SUPT7L: variants seen among roughly 807,000 people sequenced by gnomAD.
The protein encoded by SUPT7L is STAGA complex 65 subunit gamma.
SUPT7L carries 15 observed loss-of-function variants against 35.7 expected under a neutral mutation model. That is an observed-to-expected ratio of 0.42 (90% CI 0.28 to 0.65). The LOEUF (loss-of-function observed/expected upper bound fraction) is 0.65, where lower values mean the gene tolerates loss of function less well. SUPT7L is among the 30% of genes least tolerant of loss of function. The pLI is 0.23. For synonymous variants in SUPT7L, 168 were observed against 186.2 expected (o/e 0.90, Z 0.79); for missense variants, 434 against 522.2 (o/e 0.83, Z 1.65).
chr2:27,659,203 T>G (rs1674940852), intron 3 of SUPT7L, among the ~76,000 whole-genome samples: 1 of 152,236 alleles, frequency 6.6e-6, no homozygotes, highest in South Asian at 2.1e-4. Flanking sequence ...ATTATTCCAG[T>G]GACTTCAGAA....
chr2:27,655,646 C>A, intron 4 of SUPT7L, 44 bp from the exon 5 acceptor site: 1 of 1,508,396 alleles, frequency 6.6e-7, no homozygotes, highest in Non-Finnish European at 8.9e-7. Flanking sequence ...ATGTTAAAAG[C>A]AAGTTGGATA....
intron 3 of SUPT7L, among the ~76,000 whole-genome samples, chr2:27,659,661 A>G (rs1264135657): frequency 6.6e-6 from 1 of 152,218 alleles, no homozygotes; most frequent in African/African-American, 2.4e-5. Context: ...TGGTAATGGT[A>G]TTATGATTAT....
chr2:27,660,073 A>G (rs931285420), intron 3 of SUPT7L, among the ~76,000 whole-genome samples: 1 of 152,142 alleles, frequency 6.6e-6, no homozygotes, highest in Admixed American at 6.5e-5. Context: ...TGCACATACA[A>G]ATCTCCTGGA....
chr2:27,650,582 A>G (rs1572969596), downstream of SUPT7L: 1 of 156,090 alleles, frequency 6.4e-6, no homozygotes, highest in African/African-American at 2.4e-5. Flanking sequence ...GGCTAGATGT[A>G]TAGCCTCTAC....
intron 3 of SUPT7L, among the ~76,000 whole-genome samples, chr2:27,660,224 A>G (rs1227541383): frequency 6.6e-6 from 1 of 151,532 alleles, no homozygotes; most frequent in Admixed American, 6.6e-5. Flanking sequence ...ACATTTTTAT[A>G]TTATTATTTC....
chr2:27,661,475 T>G, intron 2 of SUPT7L, 87 bp from the exon 3 acceptor site: 1 of 1,568,046 alleles, frequency 6.4e-7, no homozygotes, highest in South Asian at 1.2e-5. Flanking sequence ...CCTGGCAACT[T>G]TAGATTATAG....
chr2:27,648,272 TG>T (rs1046472419), downstream of SUPT7L, among the ~76,000 whole-genome samples: 1 of 152,120 alleles, frequency 6.6e-6, no homozygotes, highest in Non-Finnish European at 1.5e-5. Flanking sequence ...GTAATCCCAC[TG>T]CTTTGGGAGG....
chr2:27,660,615 A>G (rs1463532218), intron 3 of SUPT7L, among the ~76,000 whole-genome samples: 1 of 152,192 alleles, frequency 6.6e-6, no homozygotes, highest in Non-Finnish European at 1.5e-5. Context: ...AAATACCAGA[A>G]TAAGTCCATG....
chr2:27,660,830 A>C (rs913082933), intron 3 of SUPT7L, among the ~76,000 whole-genome samples, 154 bp downstream of exon 3: 3 of 152,238 alleles, frequency 2.0e-5, no homozygotes, highest in Non-Finnish European at 4.4e-5. Flanking sequence ...TTCAAAACTT[A>C]GATATCCCAC....
At position 27,661,081 on chromosome 2, in the gene SUPT7L, A is replaced by C. The variant is rs1461180196; in HGVS notation, c.322T>G (p.Ser108Ala). Residue 108 changes from serine to alanine, a missense_variant, in exon 3 of 6, where the codon TCA becomes GCA. Around this residue, in one of 3 missense-constraint regions of SUPT7L, gnomAD observed 198 missense variants for 190.8 expected, o/e 1.04. Coordinates refer to ENST00000337768, the MANE Select transcript of SUPT7L (RefSeq NM_014860.3). ...AGGAGGTCATCAGGGAGAGGAGGTG[A>C]CCCAGGGCACGAGGGAAGAGGTTCA... Reference protein sequence around the residue: ...ESEPLPSCPGSPPLPDDLLPL... With the variant: ...ESEPLPSCPGAPPLPDDLLPL... 1 of 1,613,966 alleles carries C rather than the reference A, an allele frequency of 6.2e-7. No homozygotes were observed. The highest frequency in any genetic ancestry group is 8.5e-7 in the Non-Finnish European group (1 of 1,180,002).
At chr2:27,656,035 A>C (rs1173113660) in intron 4 of SUPT7L, among the ~76,000 whole-genome samples, 1 of 152,034 alleles carries the variant, frequency 6.6e-6, no homozygotes, top group Admixed American at 6.5e-5. Context: ...AAAAAAAAAA[A>C]AAAGCTGGGC....
At chr2:27,644,723 GTTTTTTTTTT>G in the SUPT7L span, among the ~76,000 whole-genome samples, 1 of 101,744 alleles carries the variant, frequency 9.8e-6, no homozygotes, top group African/African-American at 3.9e-5. Context: ...TTTTGGTAGT[GTTTTTTTTTT>G]TTTTTTTTTT....
intron 4 of SUPT7L, among the ~76,000 whole-genome samples, chr2:27,656,235 CT>C (rs944969974): frequency 1.3e-5 from 2 of 152,126 alleles, no homozygotes; most frequent in East Asian, 3.9e-4. Context: ...TTAGCAAAGA[CT>C]TTTTTCTTGG....
At position 27,652,644 on chromosome 2, in the gene SUPT7L, G is replaced by C. The variant is rs1479206529; in HGVS notation, c.*841C>G. ...CTTTACAGTAGAAGCAGCAAAGTGT[G>C]CTTAATGGACTGCTGTCCTCTGATG... On this transcript the variant is annotated 3_prime_UTR_variant, in exon 6 of 6. Transcript: ENST00000337768. 1.3e-5 allele frequency: 2 copies of C among 152,810 alleles called. No individual in the cohort carries two copies. The highest frequency in any genetic ancestry group is 2.4e-5 in the African/African-American group (1 of 41,464). 9.5% of individuals were successfully genotyped at this position (152,810 alleles called of 1,614,324 possible).
At chr2:27,662,946 TTTTC>T in intron 1 of SUPT7L, among the ~76,000 whole-genome samples, 1 of 137,514 alleles carries the variant, frequency 7.3e-6, no homozygotes, top group Non-Finnish European at 1.5e-5. Flanking sequence ...AACCTGGATT[TTTTC>T]TTTTTTTTTT....
At chr2:27,658,017 G>T (rs1320421730) in intron 3 of SUPT7L, among the ~76,000 whole-genome samples, 1 of 152,184 alleles carries the variant, frequency 6.6e-6, no homozygotes, top group Non-Finnish European at 1.5e-5. Flanking sequence ...ACTGCTCAAT[G>T]ATGCTCTAAT....
downstream of SUPT7L, chr2:27,647,929 A>C (rs774972630): frequency 1.9e-6 from 3 of 1,604,320 alleles, no homozygotes; most frequent in African/African-American, 4.0e-5. Flanking sequence ...GATACTGATG[A>C]CATTGACCAC....
At chr2:27,646,127 C>T (rs1439202243), downstream of SUPT7L, among the ~76,000 whole-genome samples, 9 of 152,082 alleles carry the variant, frequency 5.9e-5, no homozygotes, top group East Asian at 3.9e-4. Flanking sequence ...CTGCAACCTC[C>T]GCCTCCCGGG....
chr2:27,650,397 G>A, downstream of SUPT7L: 1 of 418,890 alleles, frequency 2.4e-6, no homozygotes, highest in Non-Finnish European at 4.4e-6. Flanking sequence ...GCAGGTTAAT[G>A]CTGATTATTC....
Sources: gnomAD v4.1 joint callset for allele counts (sites outside exome capture counted in the v4.1 genomes callset) on GRCh38, gnomAD v4.1.1 for gene constraint, gnomAD v4.1.1 regional missense constraint, MANE v1.5 for transcripts, NCBI Gene and HGNC (gene_info 2026-07-23, HGNC 2026-07-21) for gene names.